The following ZNF146 variants were observed in gnomAD, a reference collection of about 807,000 sequenced individuals.
ZNF146 encodes the protein zinc finger protein 146.
Under a neutral mutation model 22.2 loss-of-function variants are expected in ZNF146, and 9 were observed. The ratio of observed to expected loss-of-function variants is 0.41; its 90% CI spans 0.24 to 0.71. The LOEUF is 0.71. Ranked by LOEUF, ZNF146 falls within the 30% of genes least tolerant of loss-of-function variation. The pLI is 0.34. For missense variants in ZNF146, 194 were observed against 344.8 expected (o/e 0.56, Z 3.46); for synonymous variants, 108 against 119.2 (o/e 0.91, Z 0.61).
intron 3 of ZNF146, among the ~76,000 whole-genome samples, chr19:36,231,912 A>C (rs1459795443): frequency 6.6e-6 from 1 of 151,492 alleles, no homozygotes; most frequent in Non-Finnish European, 1.5e-5. Flanking sequence ...TTTTATTTAA[A>C]AAAAAAAAGG....
intron 1 of ZNF146, among the ~76,000 whole-genome samples, chr19:36,215,824 G>A (rs1011299741): frequency 1.3e-5 from 2 of 152,058 alleles, no homozygotes; most frequent in Non-Finnish European, 2.9e-5. Context: ...ATATAACGGC[G>A]CCCAGGATGA....
In ZNF146 at chr19:36,237,921, T is replaced by C. The variant is rs1977704728; in HGVS notation, c.*602T>C. The C allele has an allele frequency of 1.2e-5, 2 of 166,888 alleles. No homozygotes were observed. Among genetic ancestry groups the C allele is most frequent in the Admixed American group, 1.3e-4 (2 of 15,264 alleles). 10.3% of individuals were successfully genotyped at this position (166,888 alleles called of 1,614,324 possible). On this transcript the variant is annotated 3_prime_UTR_variant, in exon 4 of 4. Coordinates refer to ENST00000443387, the MANE Select transcript of ZNF146 (RefSeq NM_007145.3). ...AATCCAGAGATTAAAAACAGAAATA[T>C]GGAAAAGCTATGTACTAAAATGCAT...
chr19:36,223,555 G>T (rs1364274687), intron 2 of ZNF146, among the ~76,000 whole-genome samples: 1 of 151,870 alleles, frequency 6.6e-6, no homozygotes, highest in Non-Finnish European at 1.5e-5. Context: ...AGTAGAGACG[G>T]GGTTTCACCA....
intron 3 of ZNF146, among the ~76,000 whole-genome samples, chr19:36,229,634 C>A (rs1977235891): frequency 6.6e-6 from 1 of 152,102 alleles, no homozygotes; most frequent in Non-Finnish European, 1.5e-5. Flanking sequence ...CTAATTTTTC[C>A]TTTTCATATA....
At chr19:36,234,704 A>G (rs899250550) in intron 3 of ZNF146, among the ~76,000 whole-genome samples, 11 of 152,160 alleles carry the variant, frequency 7.2e-5, no homozygotes, top group Non-Finnish European at 8.8e-5. Context: ...GCCAGCCAGC[A>G]TCTTTTGTCT....
intron 3 of ZNF146, among the ~76,000 whole-genome samples, chr19:36,231,694 C>T (rs949673520): frequency 1.3e-5 from 2 of 152,146 alleles, no homozygotes; most frequent in African/African-American, 4.8e-5. Flanking sequence ...GAGATTACCT[C>T]AGACCAGTTT....
At chr19:36,229,092 C>G (rs1450173109) in intron 3 of ZNF146, among the ~76,000 whole-genome samples, 3 of 152,182 alleles carry the variant, frequency 2.0e-5, no homozygotes, top group Admixed American at 1.3e-4. Flanking sequence ...GGCTGTTCTC[C>G]TTCATCCACA....
rs1976694311 is a variant in ZNF146 at position 36,218,197 on chromosome 19, T to C, written c.-855+2T>C. On this transcript the variant is annotated splice_donor_variant, in intron 2 of 3. Transcript: ENST00000443387. LOFTEE classifies it low-confidence loss of function (5UTR_SPLICE). ...CACTTTTTACCTTGGGGACCTCAGG[T>C]AGGTACTTAAACCTTGGGCCTCAGT... 1 of 151,102 alleles carries C rather than the reference T, an allele frequency of 6.6e-6. No individual in the cohort carries two copies. Among genetic ancestry groups the C allele is most frequent in the South Asian group, 2.1e-4 (1 of 4,814 alleles). 9.4% of individuals were successfully genotyped at this position (151,102 alleles called of 1,614,324 possible). A position where few individuals can be genotyped will look rare whatever the true frequency, so the allele number is the denominator to read the frequency against.
At chr19:36,217,055 CTTTTTTT>C (rs752632008) in intron 1 of ZNF146, among the ~76,000 whole-genome samples, 24 of 65,880 alleles carry the variant, frequency 3.6e-4, no homozygotes, top group South Asian at 8.1e-4. Flanking sequence ...CAGTCCCTGT[CTTTTTTT>C]TTTTTTTTTT....
Position 36,236,487 on chromosome 19 carries a change from T to C in ZNF146, c.47T>C (p.Phe16Ser), listed in dbSNP as rs775376166. ...AGAATTTACAGTGGGGAAAACCCCT[T>C]TGCCTGTAAGGTATGTGGAAAAGTC... is the stretch of plus-strand genomic sequence containing the variant. ...QQRIYSGENP[F>S]ACKVCGKVFS... The change falls in exon 4 of 4, where the codon TTT becomes TCT. Residue 16 changes from phenylalanine to serine, a missense_variant. Around this residue, in one of 2 missense-constraint regions of ZNF146, gnomAD observed 47 missense variants for 44.7 expected, o/e 1.05. Coordinates refer to ENST00000443387, the MANE Select transcript of ZNF146 (RefSeq NM_007145.3). The C allele has an allele frequency of 6.2e-6, 10 of 1,613,398 alleles. No homozygotes were observed. The East Asian group carries it at 2.2e-4, about 36-fold the overall frequency.
rs1977685317 is a variant in ZNF146 at position 36,237,435 on chromosome 19, G to C, written c.*116G>C. The C allele has an allele frequency of 7.5e-7, 1 of 1,335,278 alleles. No individual in the cohort carries two copies. Among genetic ancestry groups the C allele is most frequent in the African/African-American group, 1.5e-5 (1 of 67,384 alleles). The allele number at this position is 1,335,278 out of a possible 1,614,324, so 82.7% of individuals were successfully genotyped here. A position where few individuals can be genotyped will look rare whatever the true frequency, so the allele number is the denominator to read the frequency against. ...CCACGAATGAGGTTAACTTTAACAA[G>C]TACTAAAAACTTAAGGGACACCAGA... is the stretch of plus-strand genomic sequence containing the variant. On this transcript the variant is annotated 3_prime_UTR_variant, in exon 4 of 4. Transcript: ENST00000443387.
At chr19:36,222,778 C>CTTTTTTTTTTTTTTTT (rs55668684) in intron 2 of ZNF146, among the ~76,000 whole-genome samples, 2 of 100,888 alleles carry the variant, frequency 2.0e-5, no homozygotes, top group African/African-American at 3.7e-5. Flanking sequence ...TGAGTGGTGG[C>CTTTTTTTTTTTTTTTT]TTTTTTTTTT....
chr19:36,233,441 A>G (rs528435450), intron 3 of ZNF146, among the ~76,000 whole-genome samples: 25 of 152,190 alleles, frequency 1.6e-4, no homozygotes, highest in Non-Finnish European at 2.9e-4. Context: ...ACAGAAACAA[A>G]GTATAGAGAA....
chr19:36,218,206 A>T lies in ZNF146; in HGVS notation c.-855+11A>T, dbSNP rs1027746154. On this transcript the variant is annotated intron_variant, in intron 2 of 3. Transcript: ENST00000443387. ...CCTTGGGGACCTCAGGTAGGTACTT[A>T]AACCTTGGGCCTCAGTTGCTCATTT... 2.0e-5 allele frequency: 3 copies of T among 151,288 alleles called. No homozygotes were observed. Among genetic ancestry groups the T allele is most frequent in the African/African-American group, 7.3e-5 (3 of 41,078 alleles). The allele number at this position is 151,288 out of a possible 1,614,324, so 9.4% of individuals were successfully genotyped here. A position where few individuals can be genotyped will look rare whatever the true frequency, so the allele number is the denominator to read the frequency against.
intron 1 of ZNF146, among the ~76,000 whole-genome samples, 196 bp downstream of exon 1, chr19:36,215,392 G>C (rs528967313): frequency 2.6e-5 from 4 of 152,104 alleles, no homozygotes; most frequent in Non-Finnish European, 5.9e-5. Context: ...CTGATGTTTG[G>C]GATTGTTGAG....
chr19:36,220,664 C>A (rs796143328), intron 2 of ZNF146, among the ~76,000 whole-genome samples: 8 of 152,154 alleles, frequency 5.3e-5, no homozygotes, highest in African/African-American at 1.9e-4. Context: ...CGGCGCCCGG[C>A]CTCCTAGTTG....
intron 2 of ZNF146, among the ~76,000 whole-genome samples, chr19:36,225,623 T>G (rs1274502419): frequency 6.6e-6 from 1 of 151,934 alleles, no homozygotes; most frequent in East Asian, 1.9e-4. Flanking sequence ...GCTAGTTTTT[T>G]TGTATTTTTT....
At chr19:36,227,593 G>C (rs1258044040) in intron 2 of ZNF146, among the ~76,000 whole-genome samples, 1 of 152,006 alleles carries the variant, frequency 6.6e-6, no homozygotes, top group African/African-American at 2.4e-5. Flanking sequence ...ATTCCAGGTT[G>C]TTGCTTTTCT....
intron 3 of ZNF146, among the ~76,000 whole-genome samples, chr19:36,234,133 C>T (rs1182333160): frequency 3.9e-5 from 6 of 152,206 alleles, no homozygotes; most frequent in African/African-American, 9.6e-5. Flanking sequence ...AAAGCACATC[C>T]TGCACAGCCC....
Sources: allele counts gnomAD v4.1 joint callset (sites outside exome capture counted in the v4.1 genomes callset), GRCh38; gene constraint gnomAD v4.1.1; regional missense constraint gnomAD v4.1.1; transcripts MANE v1.5; gene names NCBI Gene and HGNC (gene_info 2026-07-23, HGNC 2026-07-21).